The following RYR2 variants were observed in gnomAD, a reference collection of about 807,000 sequenced individuals.
RYR2 encodes cardiac muscle ryanodine receptor-calcium release channel.
RYR2 carries 227 observed loss-of-function variants against 601.1 expected under a neutral mutation model. That is an observed-to-expected ratio of 0.38 (90% CI 0.34 to 0.42). The LOEUF is 0.42. RYR2 is among the 10% of genes least tolerant of loss of function. The probability of loss-of-function intolerance (pLI) is 1.00; values close to 1 mark genes in which losing one functional copy is unlikely to be tolerated. For synonymous variants in RYR2, 2,223 were observed against 2,175.1 expected, an observed-to-expected ratio of 1.02 and a Z score of -0.61; for missense variants, 4,646 against 6,156.5, an observed-to-expected ratio of 0.75 and a Z score of 8.21.
chr1:237,646,815 G>T (rs1438475873), intron 48 of RYR2, among the ~76,000 whole-genome samples: 1 of 152,180 alleles, frequency 6.6e-6, no homozygotes, highest in Non-Finnish European at 1.5e-5. Context: ...GGTAATTGCG[G>T]GTGGATGTAT....
chr1:237,384,063 C>T (rs780239520), intron 8 of RYR2, among the ~76,000 whole-genome samples: 1 of 152,174 alleles, frequency 6.6e-6, no homozygotes, highest in Non-Finnish European at 1.5e-5. Context: ...TTTACCCAGA[C>T]TTCCCTTTGC....
At chr1:237,559,532 C>T (rs142373862) in intron 27 of RYR2, among the ~76,000 whole-genome samples, 13 of 152,312 alleles carry the variant, frequency 8.5e-5, no homozygotes, top group East Asian at 3.9e-4. Context: ...AGGCATGAGA[C>T]GCTGTGCCCA....
chr1:237,043,741 A>AAAAAC (rs55938498), intron 1 of RYR2, among the ~76,000 whole-genome samples: 39,611 of 151,480 alleles, frequency 0.26, 6,061 homozygotes, highest in Non-Finnish European at 0.34. Flanking sequence ...TCAGCAGTAC[A>AAAAAC]AAAACAAAAC....
intron 1 of RYR2, among the ~76,000 whole-genome samples, chr1:237,095,447 G>T (rs1245164337): frequency 2.6e-5 from 4 of 152,202 alleles, no homozygotes; most frequent in African/African-American, 9.7e-5. Context: ...ACATTTCACT[G>T]GGATCGTGTC....
At chr1:237,244,844 G>A (rs1194496911) in intron 1 of RYR2, among the ~76,000 whole-genome samples, 1 of 152,094 alleles carries the variant, frequency 6.6e-6, no homozygotes, top group Non-Finnish European at 1.5e-5. Flanking sequence ...TCCAGTGGAG[G>A]CTCCCATTGT....
chr1:237,247,660 G>A (rs1283802873), intron 1 of RYR2, among the ~76,000 whole-genome samples: 3 of 152,128 alleles, frequency 2.0e-5, no homozygotes, highest in African/African-American at 7.2e-5. Flanking sequence ...ACCATGGGAA[G>A]AACACACAAA....
intron 1 of RYR2, among the ~76,000 whole-genome samples, chr1:237,251,515 AG>A (rs1207643055): frequency 6.6e-6 from 1 of 152,144 alleles, no homozygotes; most frequent in Non-Finnish European, 1.5e-5. Context: ...TCTACCTTAG[AG>A]GTCATTCTTT....
In RYR2 at chr1:237,794,014, A is replaced by G. The variant is rs371894104; in HGVS notation, c.13913+17A>G. ...CAACACACAGTGAGTAAATAATTAT[A>G]TGAGACTTTCTGCACTCAAAAATTT... On this transcript the variant is annotated intron_variant, in intron 95 of 104. Coordinates refer to ENST00000366574, the MANE Select transcript of RYR2 (RefSeq NM_001035.3). 2.2e-5 allele frequency: 35 copies of G among 1,596,022 alleles called. No individual in the cohort carries two copies. Among genetic ancestry groups the G allele is most frequent in the Non-Finnish European group, 2.9e-5 (34 of 1,170,716 alleles).
At chr1:237,543,185 A>G (rs1669481828) in intron 25 of RYR2, among the ~76,000 whole-genome samples, 2 of 152,130 alleles carry the variant, frequency 1.3e-5, no homozygotes, top group East Asian at 3.9e-4. Flanking sequence ...TCTCTCTTGA[A>G]ATGCCTCCTT....
chr1:237,281,976 G>A (rs552207278), intron 2 of RYR2, among the ~76,000 whole-genome samples: 1 of 148,524 alleles, frequency 6.7e-6, no homozygotes, highest in South Asian at 2.1e-4. Context: ...TAGAACCCTG[G>A]TAACAGAGTA....
chr1:237,474,282 C>T (rs1661151159), intron 17 of RYR2, among the ~76,000 whole-genome samples: 1 of 48,870 alleles, frequency 2.0e-5, no homozygotes, highest in Admixed American at 2.7e-4. Context: ...CACACACACA[C>T]ACATATATAT....
chr1:237,496,393 G>A (rs2150446716), intron 19 of RYR2, 118 bp from the exon 20 acceptor site: 1 of 1,410,156 alleles, frequency 7.1e-7, no homozygotes, highest in South Asian at 1.4e-5. Flanking sequence ...AGGCAACAGA[G>A]CAAGACTCTG....
At chr1:237,711,600 C>A (rs939342478) in intron 70 of RYR2, 145 bp from the exon 71 acceptor site, 1 of 603,734 alleles carries the variant, frequency 1.7e-6, no homozygotes, top group African/African-American at 1.9e-5. Context: ...ATTAGATACT[C>A]AAGAAATACT....
intron 59 of RYR2, 24 bp downstream of exon 59, chr1:237,674,243 A>T (rs1475580685): frequency 6.4e-7 from 1 of 1,574,652 alleles, no homozygotes; most frequent in East Asian, 2.2e-5. Context: ...TACCCTAAGT[A>T]CACACTCTTT....
At chr1:237,624,357 A>C (rs1474991153) in intron 39 of RYR2, among the ~76,000 whole-genome samples, 1 of 152,180 alleles carries the variant, frequency 6.6e-6, no homozygotes, top group Non-Finnish European at 1.5e-5. Flanking sequence ...ACAACAAACA[A>C]ACAAAACCCC....
chr1:237,065,909 G>T (rs1456513975), intron 1 of RYR2, among the ~76,000 whole-genome samples: 1 of 152,120 alleles, frequency 6.6e-6, no homozygotes, highest in East Asian at 1.9e-4. Flanking sequence ...GGAAGGTGCT[G>T]CACACTTTTA....
intron 1 of RYR2, among the ~76,000 whole-genome samples, chr1:237,234,077 A>AGT (rs1685288724): frequency 6.6e-6 from 1 of 152,208 alleles, no homozygotes; most frequent in African/African-American, 2.4e-5. Context: ...AGACATATAC[A>AGT]TGAAATACTG....
chr1:237,826,119 G>T (rs988993759), intron 101 of RYR2, among the ~76,000 whole-genome samples: 1 of 152,134 alleles, frequency 6.6e-6, no homozygotes, highest in Non-Finnish European at 1.5e-5. Context: ...ATCCCTCAAG[G>T]ATCTAGAACT....
chr1:237,119,853 A>T (rs1670582734), intron 1 of RYR2, among the ~76,000 whole-genome samples: 1 of 152,172 alleles, frequency 6.6e-6, no homozygotes, highest in Admixed American at 6.5e-5. Context: ...ATCTCTGATC[A>T]CTTTTCTTCA....
Sources: gnomAD v4.1 joint callset for allele counts (sites outside exome capture counted in the v4.1 genomes callset) on GRCh38, gnomAD v4.1.1 for gene constraint, MANE v1.5 for transcripts, NCBI Gene and HGNC (gene_info 2026-07-23, HGNC 2026-07-21) for gene names.